ATG2A: variants seen among roughly 807,000 people sequenced by gnomAD.
The protein encoded by ATG2A is autophagy-related protein 2 homolog A.
Under a neutral mutation model 214.2 loss-of-function variants are expected in ATG2A, and 103 were observed. That is an observed-to-expected ratio of 0.48 (90% confidence interval 0.41 to 0.57). ATG2A has a LOEUF of 0.57. Among genes scored for constraint, ATG2A ranks in the 20% least tolerant of loss-of-function variants. ATG2A has a pLI of 0.00. For missense variants in ATG2A, 2,312 were observed against 2,613.2 expected, an observed-to-expected ratio of 0.88 and a Z score of 2.51; for synonymous variants, 1,160 against 1,142.1, an observed-to-expected ratio of 1.02 and a Z score of -0.32.
Position 64,897,442 on chromosome 11 carries a change from A to T in ATG2A, c.5120T>A (p.Leu1707Gln). 6.4e-7 allele frequency: 1 copy of T among 1,572,500 alleles called. No homozygotes were observed. Among genetic ancestry groups the T allele is most frequent in the Non-Finnish European group, 8.6e-7 (1 of 1,158,618 alleles). The change falls in exon 37 of 41, where the codon CTG (leucine) becomes CAG (glutamine). Residue 1707 changes from leucine (L) to glutamine (Q), a missense_variant. Coordinates refer to ENST00000377264, the MANE Select transcript of ATG2A (RefSeq NM_015104.3). Reference protein sequence around the residue: ...IGLAQLNCSELKLKRLCCRHG... With the variant: ...IGLAQLNCSEQKLKRLCCRHG... ...CCTGCAACAGAGCCGCTTTAGCTTC[A>T]GCTCGGAGCAGTTGAGTTGGGCCAG...
Position 64,913,261 on chromosome 11 carries a change from C to T in ATG2A, c.726+5G>A, listed in dbSNP as rs774460422. ...CAGGGGCTGTGGGAATCAGAGCCCGCTCACCTGTGCCGGGAGCTCCTCGTA... is the reference window on the plus strand; with the variant it reads ...CAGGGGCTGTGGGAATCAGAGCCCGTTCACCTGTGCCGGGAGCTCCTCGTA... On this transcript the variant is annotated splice_donor_5th_base_variant and intron_variant, in intron 5 of 40. Transcript: ENST00000377264. This position sits in a 1 kb window ranked among gnomAD's most constrained non-coding sequence, Gnocchi z 4.3. 6 of 1,611,908 alleles carry T rather than the reference C, an allele frequency of 3.7e-6. No individual in the cohort carries two copies. In the South Asian group the frequency reaches 6.6e-5, roughly 18 times the overall value.
In ATG2A at chr11:64,897,512, T is replaced by A; in HGVS notation, c.5068-18A>T. On this transcript the variant is annotated intron_variant, in intron 36 of 40. Transcript: ENST00000377264. ...AAAGTGCCCTGGGAGAGGGAGGGGG[T>A]CCAGGTTTACCCAATGGGACTCAGG... 1.3e-6 allele frequency: 2 copies of A among 1,583,474 alleles called. No homozygotes were observed. Among genetic ancestry groups the A allele is most frequent in the Non-Finnish European group, 1.7e-6 (2 of 1,164,976 alleles).
chr11:64,900,021 G>A (rs7116644), intron 31 of ATG2A, among the ~76,000 whole-genome samples: 11,397 of 114,448 alleles, frequency 0.1, 702 homozygotes, highest in African/African-American at 0.22. Context: ...ACTGCAAATG[G>A]TTAATTTTTT....
At chr11:64,906,890 C>A in intron 19 of ATG2A, 75 bp from the exon 20 acceptor site, 2 of 1,514,142 alleles carry the variant, frequency 1.3e-6, no homozygotes, top group South Asian at 2.5e-5. Flanking sequence ...GTTGGCGGCT[C>A]CTGGAGCCCT....
chr11:64,905,460 A>ACC, intron 24 of ATG2A, 103 bp downstream of exon 24: 2 of 1,214,168 alleles, frequency 1.6e-6, no homozygotes, highest in East Asian at 5.1e-5. Flanking sequence ...TGAGACTATC[A>ACC]CCCGGGTGTA....
intron 29 of ATG2A, 90 bp from the exon 30 acceptor site, chr11:64,901,182 A>ATT (rs772328100): frequency 1.1e-3 from 1,228 of 1,111,116 alleles, no homozygotes; most frequent in Non-Finnish European, 1.3e-3. Context: ...CTTCTTTTTC[A>ATT]TTTTTTTTTT....
In ATG2A at chr11:64,898,026, C is replaced by A. The variant is rs775075108; in HGVS notation, c.4859-52G>T. On this transcript the variant is annotated intron_variant, in intron 34 of 40. Coordinates refer to ENST00000377264, the MANE Select transcript of ATG2A (RefSeq NM_015104.3). The surrounding 1 kb of genome is among the most constrained non-coding windows in gnomAD (Gnocchi z 4.5). The stretch of plus-strand genomic sequence containing the variant: ...GGATGGGGCCAGGAATGACTGGGAA[C>A]CTGTGCTGTCCTGGGAGGCAGAAGG... 6.2e-7 allele frequency: 1 copy of A among 1,601,364 alleles called. No individual in the cohort carries two copies. Among genetic ancestry groups the A allele is most frequent in the Non-Finnish European group, 8.5e-7 (1 of 1,175,090 alleles).
rs112785065 is a variant in ATG2A at position 64,914,912 on chromosome 11, G to T, written c.172-412C>A. ...GGGGTGGTGAGGGGGCTGGTGGGGG[G>T]GCCGTGGGGAAGACGCCTAACCCAG... On this transcript the variant is annotated intron_variant, in intron 1 of 40. Transcript: ENST00000377264. 1.7e-4 allele frequency among the ~76,000 whole-genome samples: 25 copies of T among 151,220 alleles called. 1 individual carries two copies. Among genetic ancestry groups the T allele is most frequent in the African/African-American group, 5.3e-4 (22 of 41,244 alleles).
Position 64,897,446 on chromosome 11 carries a change from C to T in ATG2A, c.5116G>A (p.Glu1706Lys), listed in dbSNP as rs147085310. Residue 1706 changes from glutamate to lysine, a missense_variant, in exon 37 of 41, where the codon GAG becomes AAG. Physicochemically the swap from Glu to Lys is moderately conservative, Grantham distance 56. Transcript: ENST00000377264. Reference protein sequence around the residue: ...LIGLAQLNCSELKLKRLCCRH... With the variant: ...LIGLAQLNCSKLKLKRLCCRH... ...CAACAGAGCCGCTTTAGCTTCAGCT[C>T]GGAGCAGTTGAGTTGGGCCAGGCCG... 2.8e-5 allele frequency: 44 copies of T among 1,573,630 alleles called. No homozygotes were observed. Among genetic ancestry groups the T allele is most frequent in the Non-Finnish European group, 3.5e-5 (40 of 1,159,332 alleles).
rs1944688934 is a variant in ATG2A, at chr11:64,909,693, A to G, written c.2095T>C (p.Ser699Pro). The change falls in exon 14 of 41, where the codon TCC becomes CCC. Residue 699 changes from serine to proline, a missense_variant. Transcript: ENST00000377264. ...PVPTHLELTC[S>P]DLHGIYEDGG... ...CGGGGGCTCTCACCATGTAGGTCGG[A>G]GCAGGTGAGTTCCAGGTGGGTGGGG... 7.4e-6 allele frequency: 12 copies of G among 1,612,886 alleles called. No homozygotes were observed. Among genetic ancestry groups the G allele is most frequent in the Non-Finnish European group, 1.0e-5 (12 of 1,179,882 alleles).
Position 64,902,687 on chromosome 11 carries a change from G to C in ATG2A, c.3613-7C>G. The stretch of plus-strand genomic sequence containing the variant: ...GCTCGAATAGTGGCTGGCTCTGCAG[G>C]GGCGGGGTGGGGGGAGCAGCTATGT... On this transcript the variant is annotated splice_region_variant and splice_polypyrimidine_tract_variant and intron_variant, in intron 26 of 40. Transcript: ENST00000377264. The C allele has an allele frequency of 2.5e-6, 4 of 1,605,512 alleles. No homozygotes were observed. The highest frequency in any genetic ancestry group is 1.3e-5 in the African/African-American group (1 of 74,902).
In ATG2A at chr11:64,909,123, G is replaced by A. The variant is rs369670637; in HGVS notation, c.2232C>T (p.Ser744=). ...GGGCCACCTCCCACTGTGTGCTGCT[G>A]GACTGGGGGTTCACAGTCACCACTA... The part of the protein sequence containing the change: ...PQVVVTVNPQ[S]SSTQWEVAPE... The change falls in exon 16 of 41, where the codon TCC becomes TCT. Residue 744 remains serine, a synonymous_variant. Coordinates refer to ENST00000377264, the MANE Select transcript of ATG2A (RefSeq NM_015104.3). 6 of 1,611,824 alleles carry A rather than the reference G, an allele frequency of 3.7e-6. No homozygotes were observed. Among genetic ancestry groups the A allele is most frequent in the Non-Finnish European group, 5.1e-6 (6 of 1,179,274 alleles).
chr11:64,899,754 C>G (rs951046476), intron 31 of ATG2A, among the ~76,000 whole-genome samples: 1 of 152,120 alleles, frequency 6.6e-6, no homozygotes, highest in Non-Finnish European at 1.5e-5. Context: ...TCCTCAAAAG[C>G]CCTGAGGGGT....
At position 64,909,918 on chromosome 11, in the gene ATG2A, G is replaced by A. The variant is rs1245292771; in HGVS notation, c.1870C>T (p.Pro624Ser). The change falls in exon 14 of 41, where the codon CCC becomes TCC. Residue 624 changes from proline (P) to serine (S), a missense_variant. Coordinates refer to ENST00000377264, the MANE Select transcript of ATG2A (RefSeq NM_015104.3). ...GTCTGCTGCTCCATCGCCGGCAGGG[G>A]CTCTGTCTGCAGGAGGATTGGGGGT... is the stretch of plus-strand genomic sequence containing the variant. ...AEPPAGLLTE[P>S]LPAMEQQTVF... The A allele has an allele frequency of 6.2e-7, 1 of 1,600,900 alleles. No homozygotes were observed. The highest frequency in any genetic ancestry group is 8.5e-7 in the Non-Finnish European group (1 of 1,174,414).
rs1453453258 is a variant in ATG2A at position 64,911,032 on chromosome 11, T to G, written c.1466+6A>C. 6 of 1,613,962 alleles carry G rather than the reference T, an allele frequency of 3.7e-6. No individual in the cohort carries two copies. The highest frequency in any genetic ancestry group is 1.7e-5 in the Admixed American group (1 of 60,026). Reference sequence around the variant, plus strand: ...CTCTCCTCAGGCCCTGGCCTCGGGCTTATACCGAACATGGCTACAGGGACA... The same window carrying G: ...CTCTCCTCAGGCCCTGGCCTCGGGCGTATACCGAACATGGCTACAGGGACA... On this transcript the variant is annotated splice_donor_region_variant and intron_variant, in intron 10 of 40. Coordinates refer to ENST00000377264, the MANE Select transcript of ATG2A (RefSeq NM_015104.3).
rs201983855 is a variant in ATG2A at position 64,910,121 on chromosome 11, G to A, written c.1782C>T (p.Asp594=). The stretch of plus-strand genomic sequence containing the variant: ...GCCGGTCCAGGGCCCCCAGCTCCAC[G>A]TCCGCCTGGAAGTTGGCCAGGTCCA... ...LALDLANFQA[D]VELGALDRLA... The change falls in exon 13 of 41, where the codon GAC becomes GAT. Residue 594 remains aspartate, a synonymous_variant. Transcript: ENST00000377264. 355 of 1,611,930 alleles carry A rather than the reference G, an allele frequency of 2.2e-4. 2 individuals carry two copies. The East Asian group carries it at 7.1e-3, about 32-fold the overall frequency.
At chr11:64,904,356 C>T (rs757771375) in intron 24 of ATG2A, among the ~76,000 whole-genome samples, 2 of 151,980 alleles carry the variant, frequency 1.3e-5, no homozygotes, top group Non-Finnish European at 2.9e-5. Context: ...ACCAGCCTGA[C>T]CAACAAGGTG....
chr11:64,898,726 C>T lies in ATG2A; in HGVS notation c.4581G>A (p.Glu1527=). 4 of 1,614,152 alleles carry T rather than the reference C, an allele frequency of 2.5e-6. No individual in the cohort carries two copies. Among genetic ancestry groups the T allele is most frequent in the Non-Finnish European group, 2.5e-6 (3 of 1,180,036 alleles). The change falls in exon 32 of 41, where the codon GAG becomes GAA. Residue 1527 remains glutamate (E), a synonymous_variant. Transcript: ENST00000377264. The surrounding 1 kb of genome is among the most constrained non-coding windows in gnomAD (Gnocchi z 4.5). ...GGGAGGAGGCGAGCCGGTCTCGGACCTCCAGCTCCTGCACGATGAACACCT... is the reference window on the plus strand; with the variant it reads ...GGGAGGAGGCGAGCCGGTCTCGGACTTCCAGCTCCTGCACGATGAACACCT... ...SRQVFIVQEL[E]VRDRLASSQI... is the part of the protein sequence containing the mutation.
intron 29 of ATG2A, 89 bp downstream of exon 29, chr11:64,901,873 A>T: frequency 6.8e-7 from 1 of 1,465,740 alleles, no homozygotes; most frequent in Non-Finnish European, 9.3e-7. Flanking sequence ...GGAGCTCCAG[A>T]TGGCCAGGCA....
Sources: allele counts gnomAD v4.1 joint callset (sites outside exome capture counted in the v4.1 genomes callset), GRCh38; gene constraint gnomAD v4.1.1; non-coding constraint Gnocchi (gnomAD v3.1); transcripts MANE v1.5; gene names NCBI Gene and HGNC (gene_info 2026-07-23, HGNC 2026-07-21).